Variants in MAGI1 observed in about 807,000 individuals in gnomAD.
MAGI1 encodes the protein membrane associated guanylate kinase, WW and PDZ domain containing 1, also known as membrane-associated guanylate kinase, WW and PDZ domain-containing protein 1.
Under a neutral mutation model 139.9 loss-of-function variants are expected in MAGI1, and 58 were observed. The observed-to-expected ratio is 0.41, with a 90% confidence interval of 0.34 to 0.52. MAGI1 has a LOEUF of 0.52. Among genes scored for constraint, MAGI1 ranks in the 20% least tolerant of loss-of-function variants. The pLI is 0.12. For synonymous variants in MAGI1, 812 were observed against 737.9 expected, an observed-to-expected ratio of 1.10 and a Z score of -1.63; for missense variants, 1,874 against 1,901.6, an observed-to-expected ratio of 0.99 and a Z score of 0.27.
intron 18 of MAGI1, 87 bp from the exon 19 acceptor site, chr3:65,365,033 A>G: frequency 2.0e-6 from 2 of 1,012,576 alleles, no homozygotes; most frequent in Non-Finnish European, 3.2e-6. Flanking sequence ...CTGTATCTGA[A>G]TAACAAGTGT....
intron 1 of MAGI1, among the ~76,000 whole-genome samples, chr3:65,637,580 GA>G (rs1314494080): frequency 6.7e-6 from 1 of 149,550 alleles, no homozygotes; most frequent in Non-Finnish European, 1.5e-5. Flanking sequence ...AAGAAAGAAA[GA>G]AAGAAAGAAA....
chr3:66,001,577 T>C (rs1047448824), intron 1 of MAGI1, among the ~76,000 whole-genome samples: 1 of 151,002 alleles, frequency 6.6e-6, no homozygotes, highest in Non-Finnish European at 1.5e-5. Flanking sequence ...CCCTGTTTTA[T>C]ACAGGGGGAA....
intron 2 of MAGI1, among the ~76,000 whole-genome samples, chr3:65,496,006 T>C (rs73115971): frequency 0.16 from 24,203 of 152,094 alleles, 2,051 homozygotes; most frequent in South Asian, 0.28. Context: ...ATCCTTAGAA[T>C]GGTTTTGAGC....
At chr3:65,537,587 C>G (rs754173420) in intron 2 of MAGI1, among the ~76,000 whole-genome samples, 1 of 152,092 alleles carries the variant, frequency 6.6e-6, no homozygotes, top group Non-Finnish European at 1.5e-5. Context: ...GAAGGATAGA[C>G]TCTGAACAAG....
At chr3:65,760,680 T>C (rs2036946909) in intron 1 of MAGI1, among the ~76,000 whole-genome samples, 2 of 152,108 alleles carry the variant, frequency 1.3e-5, no homozygotes, top group Non-Finnish European at 2.9e-5. Context: ...GAGGTAGGGT[T>C]ACAGGCACGA....
At chr3:65,819,639 G>A (rs2041821257) in intron 1 of MAGI1, among the ~76,000 whole-genome samples, 1 of 151,950 alleles carries the variant, frequency 6.6e-6, no homozygotes, top group Non-Finnish European at 1.5e-5. Context: ...AGCACTTTGG[G>A]AGGCCAAGGC....
chr3:65,931,384 T>C (rs976402802), intron 1 of MAGI1, among the ~76,000 whole-genome samples: 1 of 152,176 alleles, frequency 6.6e-6, no homozygotes, highest in Non-Finnish European at 1.5e-5. Flanking sequence ...TTGCCTCAAG[T>C]TCTTATGTGA....
chr3:65,814,000 G>T (rs529888007), intron 1 of MAGI1, among the ~76,000 whole-genome samples: 17 of 152,230 alleles, frequency 1.1e-4, no homozygotes, highest in African/African-American at 3.9e-4. Flanking sequence ...CGGAAATGAT[G>T]CTACTGCTTA....
intron 5 of MAGI1, among the ~76,000 whole-genome samples, chr3:65,460,244 C>G (rs1187280950): frequency 6.6e-6 from 1 of 152,224 alleles, no homozygotes; most frequent in South Asian, 2.1e-4. Context: ...ACAATTCCCA[C>G]TTGATCATGG....
chr3:65,454,534 T>TAATAAC (rs1180728563), intron 5 of MAGI1, among the ~76,000 whole-genome samples: 1 of 142,976 alleles, frequency 7.0e-6, no homozygotes, highest in Non-Finnish European at 1.5e-5. Context: ...AGTATAATAA[T>TAATAAC]AATAATAATA....
intron 1 of MAGI1, among the ~76,000 whole-genome samples, chr3:65,720,691 T>C (rs1391902467): frequency 6.6e-6 from 1 of 152,172 alleles, no homozygotes; most frequent in South Asian, 2.1e-4. Flanking sequence ...TAGATAGATC[T>C]CTCAGGCCTT....
intron 1 of MAGI1, among the ~76,000 whole-genome samples, chr3:65,637,241 A>G (rs1032193036): frequency 3.9e-5 from 6 of 152,090 alleles, no homozygotes; most frequent in African/African-American, 9.7e-5. Flanking sequence ...CTTTTAGAGC[A>G]AAGAGCATAT....
chr3:65,846,974 T>TAAAAA (rs1300326490), intron 1 of MAGI1, among the ~76,000 whole-genome samples: 3 of 22,322 alleles, frequency 1.3e-4, no homozygotes, highest in African/African-American at 5.3e-4. Flanking sequence ...AGCAATGTCT[T>TAAAAA]ACAAAAAAAA....
intron 12 of MAGI1, 108 bp from the exon 13 acceptor site, chr3:65,401,578 C>A (rs747555345): frequency 2.0e-5 from 31 of 1,554,682 alleles, no homozygotes; most frequent in Non-Finnish European, 2.6e-5. Context: ...ACCTAGCCAT[C>A]TGCAGAGTTA....
At chr3:66,019,407 T>C (rs1378384674) in intron 1 of MAGI1, among the ~76,000 whole-genome samples, 2 of 152,152 alleles carry the variant, frequency 1.3e-5, no homozygotes, top group African/African-American at 2.4e-5. Context: ...TCTTCAGACA[T>C]TGCCAAATGT....
rs770197511 is a variant in MAGI1, at chr3:65,363,502, G to C, written c.3458C>G (p.Ala1153Gly). ...YNMDLYVLRL[A>G]EDGPAERCGK... is the part of the protein sequence containing the mutation. ...ACACCTCTCCGCAGGACCGTCCTCT[G>C]CTAAGCGCAGAACATAGAGGTCCAT... Residue 1153 changes from alanine to glycine, a missense_variant, in exon 21 of 23, where the codon GCA becomes GGA. Ala to Gly is a moderately conservative substitution (Grantham distance 60, BLOSUM62 0). Transcript: ENST00000402939. 6.2e-7 allele frequency: 1 copy of C among 1,613,960 alleles called. No individual in the cohort carries two copies.
intron 2 of MAGI1, among the ~76,000 whole-genome samples, chr3:65,613,694 A>C (rs901436544): frequency 2.0e-5 from 3 of 152,234 alleles, no homozygotes; most frequent in Admixed American, 6.5e-5. Context: ...TGCTGGGAAA[A>C]GGCAAAAAAT....
chr3:65,440,846 C>CATATATACATAT (rs1553644409), intron 8 of MAGI1, among the ~76,000 whole-genome samples: 3 of 32,118 alleles, frequency 9.3e-5, no homozygotes, highest in African/African-American at 1.8e-4. Context: ...TACATATATA[C>CATATATACATAT]ATATGTATAC....
At chr3:65,933,519 T>C (rs1349561910) in intron 1 of MAGI1, among the ~76,000 whole-genome samples, 1 of 152,214 alleles carries the variant, frequency 6.6e-6, no homozygotes, top group East Asian at 1.9e-4. Flanking sequence ...CACAATTCTG[T>C]TACGACCTAG....
Sources: allele counts gnomAD v4.1 joint callset (sites outside exome capture counted in the v4.1 genomes callset), GRCh38; gene constraint gnomAD v4.1.1; transcripts MANE v1.5; gene names NCBI Gene and HGNC (gene_info 2026-07-23, HGNC 2026-07-21).